Variants in WIPF2 observed in about 807,000 individuals in gnomAD.
The protein encoded by WIPF2 is WAS/WASL interacting protein family member 2, also known as WAS/WASL-interacting protein family member 2.
In WIPF2, 23 loss-of-function variants were observed where a neutral mutation model predicts 38.8. The observed-to-expected ratio is 0.59, with a 90% CI of 0.43 to 0.84. The LOEUF (loss-of-function observed/expected upper bound fraction) is 0.84. Among genes scored for constraint, WIPF2 ranks in the 40% least tolerant of loss-of-function variants. The pLI, the probability that WIPF2 is intolerant of heterozygous loss-of-function variation, is 0.00. For synonymous variants in WIPF2, 210 were observed against 223.2 expected, an observed-to-expected ratio of 0.94 and a Z score of 0.53; for missense variants, 574 against 580.5, an observed-to-expected ratio of 0.99 and a Z score of 0.11.
At chr17:40,260,072 G>A (rs577924591) in intron 2 of WIPF2, among the ~76,000 whole-genome samples, 7 of 151,424 alleles carry the variant, frequency 4.6e-5, no homozygotes, top group African/African-American at 1.7e-4. Flanking sequence ...GAAGGATAAT[G>A]CACATTGATA....
At chr17:40,236,403 A>G (rs2030969428) in intron 1 of WIPF2, among the ~76,000 whole-genome samples, 1 of 151,648 alleles carries the variant, frequency 6.6e-6, no homozygotes. Flanking sequence ...CAGTGGTGCA[A>G]TCTTGGCTCA....
intron 1 of WIPF2, among the ~76,000 whole-genome samples, chr17:40,238,847 A>G (rs994923279): frequency 2.6e-5 from 4 of 151,328 alleles, no homozygotes; most frequent in African/African-American, 9.7e-5. Flanking sequence ...TCCTGACCTC[A>G]TGATCCGCCC....
rs905892701 is a variant in WIPF2, at chr17:40,279,909, G to GCT, written c.*1684_*1685insCT. 1 of 149,792 alleles carries GCT rather than the reference G, an allele frequency of 6.7e-6. No individual in the cohort carries two copies. The highest frequency in any genetic ancestry group is 2.5e-5 in the African/African-American group (1 of 40,352). The allele number at this position is 149,792 out of a possible 1,614,324, so 9.3% of individuals were successfully genotyped here. A position where few individuals can be genotyped will look rare whatever the true frequency, so the allele number is the denominator to read the frequency against. ...CATCACAGGCTTAAACTGTCTTAGA[G>GCT]ACCTTTCCAGTTGATTGGATCACAG... is the stretch of plus-strand genomic sequence containing the variant. On this transcript the variant is annotated 3_prime_UTR_variant, in exon 8 of 8. Transcript: ENST00000323571.
intron 1 of WIPF2, 102 bp from the exon 2 acceptor site, chr17:40,256,289 G>T (rs1055424519): frequency 9.3e-6 from 8 of 857,008 alleles, no homozygotes; most frequent in Non-Finnish European, 1.2e-5. Flanking sequence ...AAAAGATAAG[G>T]TGTTCAGTCT....
rs201794923 is a variant in WIPF2, at chr17:40,278,196, G to T, written c.1294G>T (p.Ala432Ser). ...TTGTTTTTTTTCAGCTGCCCGTGGA[G>T]CCCCACCTCTGCCACCCATTCTCAG... ...PSKTNRAARG[A>S]PPLPPILR is the part of the protein sequence containing the mutation. Residue 432 changes from alanine to serine, a missense_variant, in exon 8 of 8, where the codon GCC (alanine) becomes TCC (serine). Ala to Ser is a moderately conservative substitution (Grantham distance 99). Transcript: ENST00000323571. 2.5e-6 allele frequency: 4 copies of T among 1,613,616 alleles called. No homozygotes were observed. The highest frequency in any genetic ancestry group is 3.4e-6 in the Non-Finnish European group (4 of 1,179,828).
At chr17:40,272,260 C>T (rs917012650) in intron 5 of WIPF2, among the ~76,000 whole-genome samples, 2 of 152,236 alleles carry the variant, frequency 1.3e-5, no homozygotes, top group East Asian at 3.9e-4. Context: ...CTCAGGTGAT[C>T]CTCCCGCCTC....
intron 1 of WIPF2, among the ~76,000 whole-genome samples, chr17:40,226,417 A>G (rs978945299): frequency 9.3e-5 from 14 of 150,140 alleles, no homozygotes; most frequent in African/African-American, 2.7e-4. Flanking sequence ...GGATTTCACT[A>G]TGTTGGCCAG....
chr17:40,257,232 C>T (rs965355898), intron 2 of WIPF2, among the ~76,000 whole-genome samples: 1 of 152,050 alleles, frequency 6.6e-6, no homozygotes, highest in African/African-American at 2.4e-5. Flanking sequence ...CTGCCTTGGC[C>T]TCCCAAAGTG....
At chr17:40,235,685 T>TA (rs536332321) in intron 1 of WIPF2, among the ~76,000 whole-genome samples, 37 of 149,088 alleles carry the variant, frequency 2.5e-4, no homozygotes, top group Middle Eastern at 3.2e-3. Flanking sequence ...GCAATTCTCC[T>TA]ACCTCAGCCT....
chr17:40,257,501 C>T (rs976385995), intron 2 of WIPF2, among the ~76,000 whole-genome samples: 1 of 151,814 alleles, frequency 6.6e-6, no homozygotes, highest in East Asian at 1.9e-4. Context: ...ATTGTGATAC[C>T]TGGTGTCACA....
At chr17:40,232,038 G>A (rs2030766818) in intron 1 of WIPF2, among the ~76,000 whole-genome samples, 1 of 145,884 alleles carries the variant, frequency 6.9e-6, no homozygotes, top group Non-Finnish European at 1.5e-5. Flanking sequence ...TTTGAGACAG[G>A]ATCTGGCTTT....
rs1388551800 is a variant in WIPF2, at chr17:40,282,712, G to A, written c.*4487G>A. The A allele has an allele frequency of 1.3e-5, 2 of 152,130 alleles. No individual in the cohort carries two copies. Among genetic ancestry groups the A allele is most frequent in the Admixed American group, 1.3e-4 (2 of 15,266 alleles). The allele number at this position is 152,130 out of a possible 1,614,324, so 9.4% of individuals were successfully genotyped here. A position where few individuals can be genotyped will look rare whatever the true frequency, so the allele number is the denominator to read the frequency against. On this transcript the variant is annotated 3_prime_UTR_variant, in exon 8 of 8. Coordinates refer to ENST00000323571, the MANE Select transcript of WIPF2 (RefSeq NM_133264.5). ...CAAAAAGTGAAAATTGTGTACTCTT[G>A]TCTGGAATACCGCCTCAGGTGGTGG... is the stretch of plus-strand genomic sequence containing the variant.
chr17:40,234,625 C>CAA (rs995762173), intron 1 of WIPF2, among the ~76,000 whole-genome samples: 1 of 148,902 alleles, frequency 6.7e-6, no homozygotes, highest in African/African-American at 2.5e-5. Flanking sequence ...ACCCTTTCTT[C>CAA]AAAAAAAAAG....
intron 1 of WIPF2, 65 bp from the exon 2 acceptor site, chr17:40,256,326 C>A: frequency 7.4e-7 from 1 of 1,346,138 alleles, no homozygotes; most frequent in South Asian, 1.4e-5. Flanking sequence ...CCAGTTCTCT[C>A]ATTCTCCTGG....
At chr17:40,222,245 G>C (rs2030265533) in intron 1 of WIPF2, among the ~76,000 whole-genome samples, 1 of 151,644 alleles carries the variant, frequency 6.6e-6, no homozygotes. Context: ...GTAGAGACAG[G>C]GTTTCACCGT....
At chr17:40,232,649 T>C (rs1163117174) in intron 1 of WIPF2, among the ~76,000 whole-genome samples, 1 of 151,288 alleles carries the variant, frequency 6.6e-6, no homozygotes, top group African/African-American at 2.4e-5. Context: ...ATTTCTCTTT[T>C]TTTTTTTTTG....
At chr17:40,274,072 A>C in intron 6 of WIPF2, 73 bp downstream of exon 6, 1 of 1,284,486 alleles carries the variant, frequency 7.8e-7, no homozygotes, top group Non-Finnish European at 1.1e-6. Context: ...TGGCTGCTAG[A>C]TGGCCACCAT....
At chr17:40,273,473 G>A (rs1033086936) in intron 5 of WIPF2, 3 of 293,198 alleles carry the variant, frequency 1.0e-5, no homozygotes, top group African/African-American at 6.7e-5. Flanking sequence ...CATTCGGAAG[G>A]CTTTTGCAGT....
intron 1 of WIPF2, among the ~76,000 whole-genome samples, chr17:40,233,815 A>G (rs2030846008): frequency 6.6e-6 from 1 of 151,776 alleles, no homozygotes; most frequent in African/African-American, 2.4e-5. Context: ...TGTAATCTGA[A>G]CACTTTGGGA....
Sources: allele counts gnomAD v4.1 joint callset (sites outside exome capture counted in the v4.1 genomes callset), GRCh38; gene constraint gnomAD v4.1.1; transcripts MANE v1.5; gene names NCBI Gene and HGNC (gene_info 2026-07-23, HGNC 2026-07-21).